Variants in ERC2 observed in about 807,000 individuals in gnomAD.
The protein encoded by ERC2 is ERC protein 2.
ERC2 carries 42 observed loss-of-function variants against 114.8 expected under a neutral mutation model. The ratio of observed to expected loss-of-function variants is 0.37; its 90% confidence interval spans 0.29 to 0.47. The LOEUF (loss-of-function observed/expected upper bound fraction) is 0.47, where lower values mean the gene tolerates loss of function less well. Among genes scored for constraint, ERC2 ranks in the 20% least tolerant of loss-of-function variants. ERC2 has a pLI of 0.99. For synonymous variants in ERC2, 454 were observed against 425.5 expected, an observed-to-expected ratio of 1.07 and a Z score of -0.82; for missense variants, 939 against 1,150.7, an observed-to-expected ratio of 0.82 and a Z score of 2.66.
intron 1 of ERC2, among the ~76,000 whole-genome samples, chr3:56,466,825 T>C (rs556023292): frequency 1.3e-5 from 2 of 152,148 alleles, no homozygotes; most frequent in Non-Finnish European, 2.9e-5. Flanking sequence ...AGAGTGACCA[T>C]AGGAGACAAA....
chr3:55,592,964 C>T (rs2057966297), intron 17 of ERC2, among the ~76,000 whole-genome samples: 1 of 152,150 alleles, frequency 6.6e-6, no homozygotes, highest in Non-Finnish European at 1.5e-5. Flanking sequence ...AAATTTTTTT[C>T]CTATGTCCTT....
At chr3:56,264,002 G>A (rs994345564) in intron 3 of ERC2, among the ~76,000 whole-genome samples, 1 of 152,192 alleles carries the variant, frequency 6.6e-6, no homozygotes, top group African/African-American at 2.4e-5. Context: ...TTTAACACAT[G>A]CAAGTAAATT....
At chr3:56,110,990 G>T (rs2078927982) in intron 6 of ERC2, among the ~76,000 whole-genome samples, 2 of 152,110 alleles carry the variant, frequency 1.3e-5, no homozygotes, top group African/African-American at 4.8e-5. Flanking sequence ...CTGTCTCCCA[G>T]ATGTTTTCAA....
intron 17 of ERC2, among the ~76,000 whole-genome samples, chr3:55,551,125 G>GAT (rs988775484): frequency 2.0e-5 from 3 of 150,392 alleles, no homozygotes; most frequent in African/African-American, 7.5e-5. Context: ...TATGTGTATA[G>GAT]ATATACACAC....
At chr3:55,878,342 T>G (rs2062962382) in intron 14 of ERC2, among the ~76,000 whole-genome samples, 2 of 152,308 alleles carry the variant, frequency 1.3e-5, no homozygotes, top group Admixed American at 1.3e-4. Context: ...TATTTTGTTT[T>G]AAGATAAGGA....
At chr3:55,611,863 T>C (rs2058921783) in intron 17 of ERC2, among the ~76,000 whole-genome samples, 1 of 152,202 alleles carries the variant, frequency 6.6e-6, no homozygotes, top group Admixed American at 6.5e-5. Flanking sequence ...AGAACAATAA[T>C]AGAAAATAGA....
intron 2 of ERC2, among the ~76,000 whole-genome samples, chr3:56,309,894 G>A (rs1487368202): frequency 6.6e-6 from 1 of 152,096 alleles, no homozygotes; most frequent in East Asian, 1.9e-4. Flanking sequence ...AAAAGAAACG[G>A]GCATAATGAA....
At chr3:56,269,584 GA>G (rs1431904986) in intron 3 of ERC2, among the ~76,000 whole-genome samples, 2 of 152,070 alleles carry the variant, frequency 1.3e-5, no homozygotes, top group African/African-American at 2.4e-5. Context: ...GGAACTAGGG[GA>G]AAAAAACACA....
chr3:56,129,397 A>G (rs1409469938), intron 6 of ERC2, among the ~76,000 whole-genome samples: 1 of 152,208 alleles, frequency 6.6e-6, no homozygotes. Flanking sequence ...GTTATTTCCA[A>G]ATGGTGCCCC....
At chr3:55,998,160 CA>C (rs568403266) in intron 10 of ERC2, among the ~76,000 whole-genome samples, 7 of 150,610 alleles carry the variant, frequency 4.6e-5, no homozygotes, top group South Asian at 4.2e-4. Context: ...ACAACCACAC[CA>C]AAAAAATTAT....
intron 7 of ERC2, among the ~76,000 whole-genome samples, chr3:56,049,279 C>T (rs760001087): frequency 6.6e-6 from 1 of 152,208 alleles, no homozygotes; most frequent in Non-Finnish European, 1.5e-5. Context: ...GAAGCCCCCA[C>T]AGCCAAGCAG....
chr3:56,436,673 T>TATCC (rs1182103017), intron 1 of ERC2, among the ~76,000 whole-genome samples: 12 of 152,124 alleles, frequency 7.9e-5, no homozygotes, highest in Non-Finnish European at 1.8e-4. Flanking sequence ...CCAGACATGG[T>TATCC]AGCTAGTTTA....
intron 6 of ERC2, among the ~76,000 whole-genome samples, chr3:56,127,714 C>G (rs1187758461): frequency 6.7e-6 from 1 of 148,344 alleles, no homozygotes; most frequent in Non-Finnish European, 1.5e-5. Flanking sequence ...TAGAGCAAAA[C>G]TCTGTCTCAA....
intron 2 of ERC2, among the ~76,000 whole-genome samples, chr3:56,346,236 G>C (rs2058302267): frequency 6.6e-6 from 1 of 152,132 alleles, no homozygotes; most frequent in South Asian, 2.1e-4. Context: ...CATTTTTAGA[G>C]ACTAAAATGA....
At chr3:56,366,675 C>G (rs980744910) in intron 2 of ERC2, among the ~76,000 whole-genome samples, 1 of 152,122 alleles carries the variant, frequency 6.6e-6, no homozygotes, top group Non-Finnish European at 1.5e-5. Context: ...CCCTTTTGTC[C>G]TTCTATTTTG....
At chr3:56,123,909 C>T (rs1434922075) in intron 6 of ERC2, among the ~76,000 whole-genome samples, 1 of 152,130 alleles carries the variant, frequency 6.6e-6, no homozygotes, top group Non-Finnish European at 1.5e-5. Flanking sequence ...ATAAGGACGC[C>T]CTAAGGACAA....
intron 11 of ERC2, among the ~76,000 whole-genome samples, chr3:55,988,980 T>G (rs2149519624): frequency 6.6e-6 from 1 of 152,346 alleles, no homozygotes; most frequent in Middle Eastern, 3.4e-3. Context: ...AGGCCAAGGC[T>G]GAGCCCTTTT....
At chr3:56,325,564 A>G (rs2150436348) in intron 2 of ERC2, among the ~76,000 whole-genome samples, 1 of 152,342 alleles carries the variant, frequency 6.6e-6, no homozygotes, top group Non-Finnish European at 1.5e-5. Context: ...TCTTCTATAC[A>G]TTGTAAATGT....
intron 3 of ERC2, among the ~76,000 whole-genome samples, chr3:56,211,014 A>T (rs958570619): frequency 3.3e-5 from 5 of 152,186 alleles, no homozygotes; most frequent in Non-Finnish European, 7.4e-5. Flanking sequence ...ATATTACAAT[A>T]GTTGCTAGAC....
Sources: gnomAD v4.1 joint callset for allele counts (sites outside exome capture counted in the v4.1 genomes callset) on GRCh38, gnomAD v4.1.1 for gene constraint, MANE v1.5 for transcripts, NCBI Gene and HGNC (gene_info 2026-07-23, HGNC 2026-07-21) for gene names.